The following SULT2B1 variants were observed in gnomAD, a reference collection of about 807,000 sequenced individuals.
The protein encoded by SULT2B1 is sulfotransferase 2B1.
In SULT2B1, 16 loss-of-function variants were observed where a neutral mutation model predicts 33.2. The observed-to-expected ratio is 0.48, with a 90% CI of 0.33 to 0.73. SULT2B1 has a LOEUF of 0.73. SULT2B1 is among the 30% of genes least tolerant of loss of function. SULT2B1 has a pLI of 0.02. For missense variants in SULT2B1, 500 were observed against 506.0 expected, an observed-to-expected ratio of 0.99 and a Z score of 0.11; for synonymous variants, 186 against 200.5, an observed-to-expected ratio of 0.93 and a Z score of 0.61.
intron 1 of SULT2B1, among the ~76,000 whole-genome samples, chr19:48,558,416 C>T (rs919544831): frequency 3.9e-5 from 6 of 152,140 alleles, no homozygotes; most frequent in African/African-American, 1.4e-4. Flanking sequence ...GCCAGAGAAG[C>T]CACGCCGGCC....
chr19:48,586,187 A>G (rs1004101522), intron 2 of SULT2B1, among the ~76,000 whole-genome samples: 1 of 152,150 alleles, frequency 6.6e-6, no homozygotes, highest in Admixed American at 6.6e-5. Flanking sequence ...ACACCACTGC[A>G]CTCCAGCCTG....
chr19:48,569,762 G>T (rs1973296485), intron 1 of SULT2B1, among the ~76,000 whole-genome samples: 2 of 151,848 alleles, frequency 1.3e-5, no homozygotes, highest in African/African-American at 2.4e-5. Context: ...CGCCTCCCAG[G>T]TTAAAGTGAT....
At chr19:48,553,106 G>A (rs1308132970) in intron 1 of SULT2B1, among the ~76,000 whole-genome samples, 1 of 151,942 alleles carries the variant, frequency 6.6e-6, no homozygotes, top group East Asian at 1.9e-4. Context: ...CCATCTTTTA[G>A]GGGAGCGCAG....
At chr19:48,582,386 T>G (rs1973504015) in intron 2 of SULT2B1, among the ~76,000 whole-genome samples, 1 of 141,150 alleles carries the variant, frequency 7.1e-6, no homozygotes, top group African/African-American at 3.0e-5. Flanking sequence ...CTTTTGCCTA[T>G]GTATATACAA....
chr19:48,581,029 C>CTTTTTT (rs57093444), intron 2 of SULT2B1, among the ~76,000 whole-genome samples: 102 of 65,070 alleles, frequency 1.6e-3, no homozygotes, highest in Admixed American at 2.9e-3. Flanking sequence ...ATATATATTC[C>CTTTTTT]TTTTTTTTTT....
At chr19:48,561,462 A>C (rs957280259) in intron 1 of SULT2B1, among the ~76,000 whole-genome samples, 1 of 151,346 alleles carries the variant, frequency 6.6e-6, no homozygotes, top group African/African-American at 2.4e-5. Flanking sequence ...GATAAAATAA[A>C]TAAATTAATT....
intron 1 of SULT2B1, among the ~76,000 whole-genome samples, chr19:48,557,078 C>T (rs535437278): frequency 3.9e-5 from 6 of 152,026 alleles, no homozygotes; most frequent in South Asian, 2.1e-4. Flanking sequence ...AGCAAGACCC[C>T]GTCTCTAAAA....
intron 2 of SULT2B1, among the ~76,000 whole-genome samples, chr19:48,585,336 C>A (rs1218228404): frequency 6.6e-6 from 1 of 152,058 alleles, no homozygotes; most frequent in Admixed American, 6.6e-5. Context: ...AGGTCCCTTT[C>A]CACTAGGTAA....
At position 48,561,148 on chromosome 19, in the gene SULT2B1, G is replaced by A. The variant is rs921513704; in HGVS notation, c.71+8825G>A. ...ATCTTGTCTCAAAAAAATAAATTCGGGCCCGGTGTGGTGGCTCATGCCTGT... is the reference window on the plus strand; with the variant it reads ...ATCTTGTCTCAAAAAAATAAATTCGAGCCCGGTGTGGTGGCTCATGCCTGT... On this transcript the variant is annotated intron_variant, in intron 1 of 6. Coordinates refer to ENST00000201586, the MANE Select transcript of SULT2B1 (RefSeq NM_177973.2). Among the ~76,000 whole-genome samples, 4 of 150,198 alleles carry A rather than the reference G, an allele frequency of 2.7e-5. No individual in the cohort carries two copies. The East Asian group carries it at 8.0e-4, about 30-fold the overall frequency.
In SULT2B1 at chr19:48,576,354, C is replaced by CTTTTTTTTTTTTTTTTTTT. The variant is rs879507532; in HGVS notation, c.214+273_214+274insTTTTTTTTTTTTTTTTTTT. On this transcript the variant is annotated intron_variant, in intron 2 of 6. Transcript: ENST00000201586. ...TCCTCCCTTTCCCCTTTACCCTCTACTTCTCTTTTTTTTTTTTTTTTTTGT... is the reference window on the plus strand; with the variant it reads ...TCCTCCCTTTCCCCTTTACCCTCTACTTTTTTTTTTTTTTTTTTTTTCTCTTTTTTTTTTTTTTTTTTGT... 5.6e-4 allele frequency among the ~76,000 whole-genome samples: 45 copies of CTTTTTTTTTTTTTTTTTTT among 79,904 alleles called. 2 individuals are homozygous for CTTTTTTTTTTTTTTTTTTT. The highest frequency in any genetic ancestry group is 9.3e-4 in the African/African-American group (17 of 18,244). 52.4% of individuals were successfully genotyped at this position (79,904 alleles called of 152,430 possible). A position where few individuals can be genotyped will look rare whatever the true frequency, so the allele number is the denominator to read the frequency against.
intron 2 of SULT2B1, among the ~76,000 whole-genome samples, chr19:48,586,515 G>T (rs561013016): frequency 6.6e-6 from 1 of 152,136 alleles, no homozygotes; most frequent in South Asian, 2.1e-4. Context: ...GGAAATAGCC[G>T]CACATCACAT....
intron 1 of SULT2B1, among the ~76,000 whole-genome samples, chr19:48,573,504 C>G (rs1973358817): frequency 6.6e-6 from 1 of 152,126 alleles, no homozygotes; most frequent in Non-Finnish European, 1.5e-5. Flanking sequence ...GAGAATGCAG[C>G]CACGTAGGCA....
At chr19:48,557,937 A>T (rs1044818053) in intron 1 of SULT2B1, among the ~76,000 whole-genome samples, 1 of 152,130 alleles carries the variant, frequency 6.6e-6, no homozygotes, top group Non-Finnish European at 1.5e-5. Context: ...AATTAAAATT[A>T]AAAAAATTAA....
At chr19:48,578,981 C>G (rs1043617243) in intron 2 of SULT2B1, among the ~76,000 whole-genome samples, 4 of 152,046 alleles carry the variant, frequency 2.6e-5, no homozygotes, top group East Asian at 1.9e-4. Flanking sequence ...TCCCCTCCCC[C>G]CTGGGCCCTG....
chr19:48,571,211 A>ATTTATTTAT (rs36014830), intron 1 of SULT2B1, among the ~76,000 whole-genome samples: 68,929 of 143,106 alleles, frequency 0.48, 17,244 homozygotes, highest in South Asian at 0.54. Context: ...TTATTTATTT[A>ATTTATTTAT]TTTTGAGATG....
intron 2 of SULT2B1, among the ~76,000 whole-genome samples, chr19:48,581,567 C>A (rs1165821472): frequency 2.0e-5 from 3 of 146,678 alleles, no homozygotes; most frequent in Non-Finnish European, 4.5e-5. Flanking sequence ...ACGCCATTCT[C>A]CTGCCTCAGC....
At chr19:48,576,361 T>TTTCTTTTTTTC (rs1312947542) in intron 2 of SULT2B1, among the ~76,000 whole-genome samples, 5 of 112,546 alleles carry the variant, frequency 4.4e-5, no homozygotes, top group Non-Finnish European at 9.4e-5. Flanking sequence ...CTACTTCTCT[T>TTTCTTTTTTTC]TTTTTTTTTT....
chr19:48,574,245 C>T (rs903638044), intron 1 of SULT2B1, among the ~76,000 whole-genome samples: 2 of 152,176 alleles, frequency 1.3e-5, no homozygotes, highest in Non-Finnish European at 2.9e-5. Context: ...TTTGACTTTC[C>T]TTTTGTCCTG....
At chr19:48,560,539 C>T (rs1158782892) in intron 1 of SULT2B1, among the ~76,000 whole-genome samples, 5 of 151,518 alleles carry the variant, frequency 3.3e-5, no homozygotes, top group Admixed American at 2.0e-4. Flanking sequence ...AGATATATAC[C>T]GTGAGCCCAT....
Sources: gnomAD v4.1 joint callset for allele counts (sites outside exome capture counted in the v4.1 genomes callset) on GRCh38, gnomAD v4.1.1 for gene constraint, MANE v1.5 for transcripts, NCBI Gene and HGNC (gene_info 2026-07-23, HGNC 2026-07-21) for gene names.